The following SPATA17 variants were observed in gnomAD, a reference collection of about 807,000 sequenced individuals.
The protein encoded by SPATA17 is spermatogenesis-associated protein 17.
A neutral mutation model predicts 62.2 loss-of-function variants in SPATA17; 53 were observed. The observed-to-expected ratio is 0.85, with a 90% CI of 0.68 to 1.07. The LOEUF is 1.07. Ranked by LOEUF, SPATA17 falls within the 50% of genes least tolerant of loss-of-function variation. The pLI is 0.00. For missense variants in SPATA17, 466 were observed against 425.5 expected (o/e 1.10, Z -0.84); for synonymous variants, 146 against 146.8 (o/e 0.99, Z 0.04).
chr1:217,759,883 A>G (rs1015407699), intron 6 of SPATA17, among the ~76,000 whole-genome samples: 2 of 152,234 alleles, frequency 1.3e-5, no homozygotes, highest in African/African-American at 2.4e-5. Context: ...GCTTGATCCA[A>G]CCATCTTCTG....
At chr1:217,823,156 C>T (rs774237026) in intron 9 of SPATA17, among the ~76,000 whole-genome samples, 3 of 151,690 alleles carry the variant, frequency 2.0e-5, no homozygotes, top group Non-Finnish European at 4.4e-5. Context: ...CTGCTAAGTG[C>T]CTTGTGACAC....
At chr1:217,809,347 T>C (rs1674523535) in intron 9 of SPATA17, among the ~76,000 whole-genome samples, 1 of 152,136 alleles carries the variant, frequency 6.6e-6, no homozygotes, top group South Asian at 2.1e-4. Flanking sequence ...GATGATAATA[T>C]CTGTCTTGGT....
intron 6 of SPATA17, among the ~76,000 whole-genome samples, chr1:217,754,316 G>T (rs1235729472): frequency 6.6e-6 from 1 of 152,084 alleles, no homozygotes; most frequent in Non-Finnish European, 1.5e-5. Flanking sequence ...TTCTTCATTG[G>T]TTAGAAGAGA....
intron 5 of SPATA17, among the ~76,000 whole-genome samples, chr1:217,732,077 C>A (rs1029639133): frequency 8.6e-6 from 1 of 116,820 alleles, no homozygotes; most frequent in South Asian, 2.6e-4. Flanking sequence ...AAGAAAATTA[C>A]TCCAGTTTCT....
At chr1:217,642,346 C>G (rs1159579285) in intron 1 of SPATA17, among the ~76,000 whole-genome samples, 1 of 152,086 alleles carries the variant, frequency 6.6e-6, no homozygotes, top group Non-Finnish European at 1.5e-5. Flanking sequence ...CTCATAGTTT[C>G]CTATTTTATT....
intron 9 of SPATA17, among the ~76,000 whole-genome samples, chr1:217,852,903 C>T (rs2103012670): frequency 6.6e-6 from 1 of 152,164 alleles, no homozygotes; most frequent in Admixed American, 6.5e-5. Context: ...TTCCCAATTC[C>T]CTCAGTCCTT....
At chr1:217,790,323 T>C (rs139989516) in intron 8 of SPATA17, among the ~76,000 whole-genome samples, 6 of 152,330 alleles carry the variant, frequency 3.9e-5, no homozygotes, top group Non-Finnish European at 8.8e-5. Context: ...GGGCTGGAAT[T>C]TCCCTTGAAG....
At chr1:217,779,489 A>C (rs1046347105) in intron 7 of SPATA17, among the ~76,000 whole-genome samples, 1 of 148,436 alleles carries the variant, frequency 6.7e-6, no homozygotes, top group Non-Finnish European at 1.5e-5. Context: ...TGGCCATGTC[A>C]TCCCCACTGC....
chr1:217,639,965 T>C (rs372528866), intron 1 of SPATA17, among the ~76,000 whole-genome samples: 59 of 152,194 alleles, frequency 3.9e-4, no homozygotes, highest in African/African-American at 1.3e-3. Flanking sequence ...TTTAAGCTTT[T>C]ATAGTCAAAT....
At chr1:217,731,157 T>G (rs1425977538) in intron 5 of SPATA17, among the ~76,000 whole-genome samples, 1 of 152,182 alleles carries the variant, frequency 6.6e-6, no homozygotes, top group Non-Finnish European at 1.5e-5. Flanking sequence ...GTACTCTATT[T>G]GACCTTAAAT....
chr1:217,822,823 C>CT (rs1441125593), intron 9 of SPATA17, among the ~76,000 whole-genome samples: 1 of 150,750 alleles, frequency 6.6e-6, no homozygotes, highest in African/African-American at 2.4e-5. Flanking sequence ...CTACCTCATT[C>CT]TTTTTCAAGT....
rs1368961263 is a variant in SPATA17 at position 217,793,232 on chromosome 1, T to G, written c.873-8486T>G. On this transcript the variant is annotated intron_variant, in intron 8 of 10. Coordinates refer to ENST00000366933, the MANE Select transcript of SPATA17 (RefSeq NM_138796.4). Reference sequence around the variant, plus strand: ...GGGCAGTGGTTTTTGTTTTTTTTTTTTTTTTTGAGACGGAGTCTTGCTCTG... The same window carrying G: ...GGGCAGTGGTTTTTGTTTTTTTTTTGTTTTTTGAGACGGAGTCTTGCTCTG... 4.1e-5 allele frequency among the ~76,000 whole-genome samples: 6 copies of G among 145,888 alleles called. No individual in the cohort carries two copies. The South Asian group carries it at 6.7e-4, about 16-fold the overall frequency.
chr1:217,672,363 A>G (rs917920392), intron 4 of SPATA17, among the ~76,000 whole-genome samples: 1 of 152,238 alleles, frequency 6.6e-6, no homozygotes, highest in Non-Finnish European at 1.5e-5. Flanking sequence ...CCAAATATCT[A>G]TATGGCCAAT....
intron 4 of SPATA17, among the ~76,000 whole-genome samples, chr1:217,674,505 T>C (rs1196417600): frequency 6.6e-6 from 1 of 152,132 alleles, no homozygotes; most frequent in Non-Finnish European, 1.5e-5. Flanking sequence ...AGAGTGTGTG[T>C]GAGCAAGTGA....
chr1:217,773,122 T>C (rs1053097126), intron 6 of SPATA17, among the ~76,000 whole-genome samples: 1 of 152,174 alleles, frequency 6.6e-6, no homozygotes, highest in Non-Finnish European at 1.5e-5. Flanking sequence ...AGGTATTTGA[T>C]AGAGGTTAAC....
chr1:217,734,949 C>T lies in SPATA17; in HGVS notation c.396-7026C>T, dbSNP rs116025192. ...TGGTCCAGGGACCACACTTTGAGAC[C>T]CACTAACCTAGGCAAAGAGCTGGAG... On this transcript the variant is annotated intron_variant, in intron 5 of 10. Coordinates refer to ENST00000366933, the MANE Select transcript of SPATA17 (RefSeq NM_138796.4). 5.5e-3 allele frequency among the ~76,000 whole-genome samples: 843 copies of T among 152,128 alleles called. 8 individuals are homozygous for T. The highest frequency in any genetic ancestry group is 0.019 in the African/African-American group (769 of 41,492).
intron 7 of SPATA17, among the ~76,000 whole-genome samples, chr1:217,781,545 A>T (rs577660375): frequency 6.6e-6 from 1 of 152,280 alleles, no homozygotes; most frequent in East Asian, 1.9e-4. Flanking sequence ...GCAGCTGTGG[A>T]CTTTCCTCTG....
chr1:217,771,605 G>A (rs1460805258), intron 6 of SPATA17, among the ~76,000 whole-genome samples: 1 of 152,074 alleles, frequency 6.6e-6, no homozygotes, highest in Non-Finnish European at 1.5e-5. Context: ...TGTTTTTATT[G>A]ACATAACTTA....
Position 217,867,977 on chromosome 1 carries a change from A to G in SPATA17, c.*958A>G, listed in dbSNP as rs1676051317. On this transcript the variant is annotated 3_prime_UTR_variant, in exon 11 of 11. Coordinates refer to ENST00000366933, the MANE Select transcript of SPATA17 (RefSeq NM_138796.4). ...AAAATTGCTGGCCAGCGAAATCCAG[A>G]CTCTGGGAAATGTTATAGGCCAAAT... 6.6e-6 allele frequency: 1 copy of G among 151,920 alleles called. No homozygotes were observed. Among genetic ancestry groups the G allele is most frequent in the East Asian group, 1.9e-4 (1 of 5,188 alleles). The allele number at this position is 151,920 out of a possible 1,614,324, so 9.4% of individuals were successfully genotyped here.
Sources: allele counts gnomAD v4.1 joint callset (sites outside exome capture counted in the v4.1 genomes callset), GRCh38; gene constraint gnomAD v4.1.1; transcripts MANE v1.5; gene names NCBI Gene and HGNC (gene_info 2026-07-23, HGNC 2026-07-21).